The following FAXC variants were observed in gnomAD, a reference collection of about 807,000 sequenced individuals.
The protein encoded by FAXC is failed axon connections homolog, metaxin like GST domain containing, also known as failed axon connections homolog.
In FAXC, 10 loss-of-function variants were observed where a neutral mutation model predicts 41.9. The ratio of observed to expected loss-of-function variants is 0.24; its 90% CI spans 0.15 to 0.41. The LOEUF (loss-of-function observed/expected upper bound fraction) is 0.41, where lower values mean the gene tolerates loss of function less well. Ranked by LOEUF, FAXC falls within the 10% of genes least tolerant of loss-of-function variation. FAXC has a pLI of 1.00. For synonymous variants in FAXC, 183 were observed against 183.8 expected, an observed-to-expected ratio of 1.00 and a Z score of 0.03; for missense variants, 399 against 510.9, an observed-to-expected ratio of 0.78 and a Z score of 2.11.
At chr6:99,305,901 A>G (rs1260589384) in intron 4 of FAXC, among the ~76,000 whole-genome samples, 1 of 152,118 alleles carries the variant, frequency 6.6e-6, no homozygotes. Flanking sequence ...TACAGTGACA[A>G]ATGGAACAGA....
At chr6:99,288,344 G>A (rs1771098263) in intron 5 of FAXC, among the ~76,000 whole-genome samples, 1 of 152,150 alleles carries the variant, frequency 6.6e-6, no homozygotes, top group African/African-American at 2.4e-5. Context: ...ACAAGTGAGT[G>A]TGTGGGGGGT....
intron 3 of FAXC, among the ~76,000 whole-genome samples, chr6:99,329,212 C>G (rs1772937333): frequency 6.6e-6 from 1 of 152,172 alleles, no homozygotes. Flanking sequence ...TTTTCCTTAT[C>G]ACAACGAATG....
intron 2 of FAXC, among the ~76,000 whole-genome samples, chr6:99,340,529 A>AC (rs1378968262): frequency 8.9e-6 from 1 of 112,162 alleles, no homozygotes; most frequent in Non-Finnish European, 1.9e-5. Flanking sequence ...CTCTAAAGAT[A>AC]TTCATCAGGG....
intron 4 of FAXC, among the ~76,000 whole-genome samples, chr6:99,298,454 T>C (rs951539256): frequency 3.9e-5 from 6 of 152,126 alleles, no homozygotes; most frequent in African/African-American, 1.2e-4. Flanking sequence ...TCCAAGAATC[T>C]GCATTTCTAA....
chr6:99,326,416 T>C (rs2128460842), intron 3 of FAXC, among the ~76,000 whole-genome samples: 1 of 152,254 alleles, frequency 6.6e-6, no homozygotes, highest in Non-Finnish European at 1.5e-5. Flanking sequence ...CCTAAAATGA[T>C]AGTTTGAGTG....
intron 5 of FAXC, among the ~76,000 whole-genome samples, chr6:99,282,022 G>A (rs557983222): frequency 7.2e-5 from 11 of 152,262 alleles, no homozygotes; most frequent in Admixed American, 4.6e-4. Flanking sequence ...TAATAAAAAC[G>A]GTGAGTGAGA....
In FAXC at chr6:99,272,846, A is replaced by G. The variant is rs1186529458; in HGVS notation, c.*8318T>C. The G allele has an allele frequency of 6.6e-6, 1 of 152,228 alleles. No individual in the cohort carries two copies. Among genetic ancestry groups the G allele is most frequent in the Non-Finnish European group, 1.5e-5 (1 of 68,042 alleles). The allele number at this position is 152,228 out of a possible 1,614,324, so 9.4% of individuals were successfully genotyped here. On this transcript the variant is annotated 3_prime_UTR_variant, in exon 6 of 6. Coordinates refer to ENST00000389677, the MANE Select transcript of FAXC (RefSeq NM_032511.4). ...GATGCAAACATTTCAGATTTTCCCC[A>G]TGAGCCTGAAGTTTAAACATTCAAA...
In FAXC at chr6:99,272,142, CTATATGTGTGTG is replaced by C; in HGVS notation, c.*9010_*9021del. The C allele has an allele frequency of 1.2e-5, 1 of 83,148 alleles. No homozygotes were observed. The highest frequency in any genetic ancestry group is 4.7e-5 in the African/African-American group (1 of 21,284). 5.2% of individuals were successfully genotyped at this position (83,148 alleles called of 1,614,324 possible). On this transcript the variant is annotated 3_prime_UTR_variant, in exon 6 of 6. Transcript: ENST00000389677. ...GAAGAGGTATGAAAACTAATTGAGA[CTATATGTGTGTG>C]TGTGTGTGTGTGTGTGTGTGTGTGT...
At chr6:99,328,718 C>G (rs530160233) in intron 3 of FAXC, among the ~76,000 whole-genome samples, 5 of 152,302 alleles carry the variant, frequency 3.3e-5, no homozygotes, top group East Asian at 1.9e-4. Context: ...AGCCTTCCCC[C>G]CTTCTCTCTA....
At chr6:99,322,238 A>C (rs1231894860) in intron 4 of FAXC, among the ~76,000 whole-genome samples, 2 of 152,188 alleles carry the variant, frequency 1.3e-5, no homozygotes, top group Non-Finnish European at 2.9e-5. Context: ...TAATGAAGCT[A>C]GCCAAGAGCT....
At chr6:99,287,808 C>A (rs1195994487) in intron 5 of FAXC, among the ~76,000 whole-genome samples, 1 of 152,108 alleles carries the variant, frequency 6.6e-6, no homozygotes, top group African/African-American at 2.4e-5. Flanking sequence ...AGGTTGAGAG[C>A]AAATTACAGC....
intron 4 of FAXC, among the ~76,000 whole-genome samples, chr6:99,313,392 C>T (rs1772220320): frequency 6.6e-6 from 1 of 152,184 alleles, no homozygotes; most frequent in African/African-American, 2.4e-5. Flanking sequence ...TGTCTTCTGA[C>T]CAATTTTCCC....
intron 4 of FAXC, among the ~76,000 whole-genome samples, chr6:99,315,570 G>T (rs79840538): frequency 1.1e-3 from 165 of 152,292 alleles, no homozygotes; most frequent in African/African-American, 3.8e-3. Flanking sequence ...TTACCCTTCT[G>T]CCTGAATTCT....
At chr6:99,316,626 G>A (rs1377797848) in intron 4 of FAXC, among the ~76,000 whole-genome samples, 2 of 152,170 alleles carry the variant, frequency 1.3e-5, no homozygotes, top group Non-Finnish European at 2.9e-5. Flanking sequence ...GCTCCCTGAA[G>A]AGCATCAACA....
At chr6:99,307,243 A>C (rs944806507) in intron 4 of FAXC, among the ~76,000 whole-genome samples, 3 of 152,218 alleles carry the variant, frequency 2.0e-5, no homozygotes, top group African/African-American at 7.2e-5. Context: ...AGGGAAGAGC[A>C]TCTGCTACAT....
intron 5 of FAXC, among the ~76,000 whole-genome samples, chr6:99,282,025 G>A (rs6933093): frequency 0.53 from 80,920 of 151,886 alleles, 22,192 homozygotes; most frequent in African/African-American, 0.65. Flanking sequence ...TAAAAACGGT[G>A]AGTGAGAAAA....
chr6:99,278,620 A>T lies in FAXC; in HGVS notation c.*2544T>A, dbSNP rs1258256245. Reference sequence around the variant, plus strand: ...CCGGATAAAGACTCACACTATGGTGACTTTGTCTTGGTTATTTTGTTTGCA... The same window carrying T: ...CCGGATAAAGACTCACACTATGGTGTCTTTGTCTTGGTTATTTTGTTTGCA... On this transcript the variant is annotated 3_prime_UTR_variant, in exon 6 of 6. Transcript: ENST00000389677. The T allele has an allele frequency of 6.6e-6, 1 of 152,200 alleles. No homozygotes were observed. The highest frequency in any genetic ancestry group is 2.4e-5 in the African/African-American group (1 of 41,456). 9.4% of individuals were successfully genotyped at this position (152,200 alleles called of 1,614,324 possible). A position where few individuals can be genotyped will look rare whatever the true frequency, so the allele number is the denominator to read the frequency against.
rs1562171317 is a variant in FAXC, at chr6:99,318,263, ACACAC to A, written c.823+5176_823+5180del. Among the ~76,000 whole-genome samples, 1,841 of 124,534 alleles carry A rather than the reference ACACAC, an allele frequency of 0.015. 138 individuals carry two copies. The East Asian group carries it at 0.16, about 11-fold the overall frequency. The allele number at this position is 124,534 out of a possible 152,430, so 81.7% of individuals were successfully genotyped here. On this transcript the variant is annotated intron_variant, in intron 4 of 5. Transcript: ENST00000389677. Reference sequence around the variant, plus strand: ...GACAGAGCAAGACTCCGTCTCAAACACACACACACACACACACACACACACACACA... The same window carrying A: ...GACAGAGCAAGACTCCGTCTCAAACAACACACACACACACACACACACACA...
intron 2 of FAXC, 97 bp downstream of exon 2, chr6:99,342,801 G>C (rs911501944): frequency 8.5e-7 from 1 of 1,178,772 alleles, no homozygotes; most frequent in African/African-American, 1.5e-5. Flanking sequence ...ATCCCCTCTG[G>C]CATCCACTGT....
Sources: gnomAD v4.1 joint callset for allele counts (sites outside exome capture counted in the v4.1 genomes callset) on GRCh38, gnomAD v4.1.1 for gene constraint, MANE v1.5 for transcripts, NCBI Gene and HGNC (gene_info 2026-07-23, HGNC 2026-07-21) for gene names.